Variants in TAX1BP1 observed in about 807,000 individuals in gnomAD.
TAX1BP1 encodes the protein tax1-binding protein 1.
A neutral mutation model predicts 97.7 loss-of-function variants in TAX1BP1; 62 were observed. The observed-to-expected ratio is 0.63, with a 90% CI of 0.52 to 0.78. TAX1BP1 has a LOEUF of 0.78. TAX1BP1 is among the 30% of genes least tolerant of loss of function. TAX1BP1 has a pLI of 0.00. For synonymous variants in TAX1BP1, 340 were observed against 304.2 expected, an observed-to-expected ratio of 1.12 and a Z score of -1.23; for missense variants, 867 against 916.1, an observed-to-expected ratio of 0.95 and a Z score of 0.69.
In TAX1BP1 at chr7:27,764,961, C is replaced by G. The variant is rs1175593826; in HGVS notation, c.266-873C>G. Reference sequence around the variant, plus strand: ...TGTGGACTGCTACTTTGCTTTAAAGCGCCACAAGAATTTCTCTTATCTTAT... The same window carrying G: ...TGTGGACTGCTACTTTGCTTTAAAGGGCCACAAGAATTTCTCTTATCTTAT... On this transcript the variant is annotated intron_variant, in intron 3 of 16. Coordinates refer to ENST00000396319, the MANE Select transcript of TAX1BP1 (RefSeq NM_006024.7). Among the ~76,000 whole-genome samples the G allele has an allele frequency of 1.7e-4, 3 of 17,276 alleles. No individual in the cohort carries two copies. The East Asian group carries it at 4.5e-3, about 26-fold the overall frequency. The allele number at this position is 17,276 out of a possible 152,430, so 11.3% of individuals were successfully genotyped here. A position where few individuals can be genotyped will look rare whatever the true frequency, so the allele number is the denominator to read the frequency against.
intron 2 of TAX1BP1, among the ~76,000 whole-genome samples, chr7:27,755,179 C>T (rs915693368): frequency 2.0e-5 from 3 of 152,200 alleles, no homozygotes; most frequent in Non-Finnish European, 4.4e-5. Context: ...TGTACTCCTA[C>T]CTTCCCCAGT....
At chr7:27,759,096 A>T (rs139523317) in intron 3 of TAX1BP1, among the ~76,000 whole-genome samples, 23 of 152,228 alleles carry the variant, frequency 1.5e-4, no homozygotes, top group African/African-American at 5.1e-4. Context: ...GTGAATTCTT[A>T]CCCTTGTATA....
At chr7:27,767,188 G>A (rs1788677940) in intron 4 of TAX1BP1, among the ~76,000 whole-genome samples, 1 of 151,944 alleles carries the variant, frequency 6.6e-6, no homozygotes, top group African/African-American at 2.4e-5. Context: ...TGTATATAGT[G>A]CCCTCTATTA....
At chr7:27,809,371 A>G (rs1790466623) in intron 13 of TAX1BP1, among the ~76,000 whole-genome samples, 1 of 152,226 alleles carries the variant, frequency 6.6e-6, no homozygotes, top group Non-Finnish European at 1.5e-5. Context: ...TTTTTGGCCT[A>G]CATTCCTAAT....
intron 5 of TAX1BP1, among the ~76,000 whole-genome samples, chr7:27,774,318 T>G (rs1788948063): frequency 1.3e-5 from 2 of 152,128 alleles, no homozygotes; most frequent in African/African-American, 2.4e-5. Context: ...CTTTTTATTC[T>G]CATTGAAATA....
At chr7:27,817,169 G>A in intron 15 of TAX1BP1, 131 bp downstream of exon 15, 1 of 1,115,438 alleles carries the variant, frequency 9.0e-7, no homozygotes. Context: ...GTGTGTGCTT[G>A]TGCCTGCACA....
chr7:27,791,783 G>GT (rs1789718410), intron 8 of TAX1BP1, among the ~76,000 whole-genome samples: 1 of 152,118 alleles, frequency 6.6e-6, no homozygotes, highest in Non-Finnish European at 1.5e-5. Flanking sequence ...GCTTCCTTGT[G>GT]TATAAAGTAG....
At chr7:27,763,042 C>G (rs769367036) in intron 3 of TAX1BP1, among the ~76,000 whole-genome samples, 1 of 152,076 alleles carries the variant, frequency 6.6e-6, no homozygotes, top group Non-Finnish European at 1.5e-5. Context: ...TTTTGAAATT[C>G]AGAAATAAAA....
rs767983526 is a variant in TAX1BP1 at position 27,816,999 on chromosome 7, T to G, written c.2046T>G (p.Phe682Leu). The G allele has an allele frequency of 2.5e-6, 4 of 1,614,058 alleles. No homozygotes were observed. The highest frequency in any genetic ancestry group is 3.4e-6 in the Non-Finnish European group (4 of 1,179,966). The part of the protein sequence containing the change: ...NVVCSQPARN[F>L]SRPDGLEDSE... ...TCTGCAGCCAGCCTGCTCGAAACTT[T>G]AGTCGGCCTGATGGCTTAGAGGACT... Residue 682 changes from phenylalanine (F) to leucine (L), a missense_variant, in exon 15 of 17, where the codon TTT becomes TTG. Physicochemically the swap from Phe to Leu is conservative, Grantham distance 22. Transcript: ENST00000396319.
At chr7:27,794,659 A>G (rs1789853327) in intron 11 of TAX1BP1, among the ~76,000 whole-genome samples, 1 of 152,210 alleles carries the variant, frequency 6.6e-6, no homozygotes, top group East Asian at 1.9e-4. Flanking sequence ...TGTGAATGTA[A>G]ACTAGTAGTT....
chr7:27,796,110 C>A lies in TAX1BP1; in HGVS notation c.1535-6C>A. The A allele has an allele frequency of 6.2e-7, 1 of 1,603,078 alleles. No homozygotes were observed. Among genetic ancestry groups the A allele is most frequent in the Non-Finnish European group, 8.5e-7 (1 of 1,175,432 alleles). ...TTTAACAGTCTTATATTCTGCCTTT[C>A]TACAGCAGAGGCAGATTTTGACATA... On this transcript the variant is annotated splice_polypyrimidine_tract_variant and splice_region_variant and intron_variant, in intron 11 of 16. Coordinates refer to ENST00000396319, the MANE Select transcript of TAX1BP1 (RefSeq NM_006024.7).
chr7:27,786,622 T>C (rs1031847913), intron 7 of TAX1BP1, among the ~76,000 whole-genome samples: 2 of 152,176 alleles, frequency 1.3e-5, no homozygotes, highest in Non-Finnish European at 1.5e-5. Flanking sequence ...AGCTGATGAT[T>C]ATGAACATCA....
intron 1 of TAX1BP1, among the ~76,000 whole-genome samples, chr7:27,746,931 A>G (rs1787843718): frequency 6.6e-6 from 1 of 152,214 alleles, no homozygotes; most frequent in Non-Finnish European, 1.5e-5. Flanking sequence ...AACTTTAAAA[A>G]TTTGCCTTAG....
At chr7:27,743,767 A>ATTTTTTTTTTTTT (rs58774608) in intron 1 of TAX1BP1, among the ~76,000 whole-genome samples, 1 of 10,492 alleles carries the variant, frequency 9.5e-5, no homozygotes, top group Admixed American at 1.2e-3. Context: ...TAGTATCTTT[A>ATTTTTTTTTTTTT]TTTTTTTTTT....
chr7:27,799,769 AATAT>A (rs1790062859), intron 12 of TAX1BP1, among the ~76,000 whole-genome samples, 192 bp from the exon 13 acceptor site: 1 of 152,098 alleles, frequency 6.6e-6, no homozygotes, highest in Non-Finnish European at 1.5e-5. Flanking sequence ...CTTATTTAAA[AATAT>A]ATATACTATT....
intron 7 of TAX1BP1, among the ~76,000 whole-genome samples, chr7:27,785,971 C>T (rs906150877): frequency 6.6e-6 from 1 of 152,034 alleles, no homozygotes; most frequent in African/African-American, 2.4e-5. Context: ...ATTCATGTAA[C>T]TATTTTTCCT....
intron 3 of TAX1BP1, 32 bp downstream of exon 3, chr7:27,758,165 A>G: frequency 6.7e-7 from 1 of 1,496,376 alleles, no homozygotes; most frequent in Non-Finnish European, 9.3e-7. Context: ...ACTCAATGAA[A>G]CTAGATGTCT....
intron 1 of TAX1BP1, among the ~76,000 whole-genome samples, chr7:27,747,324 T>C (rs1345175063): frequency 1.3e-5 from 2 of 152,238 alleles, no homozygotes; most frequent in African/African-American, 4.8e-5. Flanking sequence ...CATTTGGATC[T>C]TGCAGTTTTT....
At chr7:27,811,223 G>A (rs1790545439) in intron 13 of TAX1BP1, among the ~76,000 whole-genome samples, 1 of 152,110 alleles carries the variant, frequency 6.6e-6, no homozygotes, top group Admixed American at 6.5e-5. Flanking sequence ...GTTAAATAAT[G>A]AGTGGTTGAA....
Sources: gnomAD v4.1 joint callset for allele counts (sites outside exome capture counted in the v4.1 genomes callset) on GRCh38, gnomAD v4.1.1 for gene constraint, MANE v1.5 for transcripts, NCBI Gene and HGNC (gene_info 2026-07-23, HGNC 2026-07-21) for gene names.